The following MYL6B variants were observed in gnomAD, a reference collection of about 807,000 sequenced individuals.
The protein encoded by MYL6B is myosin light chain 6B.
A neutral mutation model predicts 24.5 loss-of-function variants in MYL6B; 19 were observed. That is an observed-to-expected ratio of 0.78 (90% CI 0.54 to 1.14). The LOEUF is 1.14. Ranked by LOEUF, MYL6B falls within the 50% of genes most tolerant of loss-of-function variation. The pLI is 0.00. For missense variants in MYL6B, 230 were observed against 263.8 expected (o/e 0.87, Z 0.89); for synonymous variants, 90 against 100.7 (o/e 0.89, Z 0.64).
chr12:56,157,423 T>TGAAGGAGGG, intron 5 of MYL6B, 45 bp from the exon 6 acceptor site: 1 of 1,543,822 alleles, frequency 6.5e-7, no homozygotes, highest in Non-Finnish European at 8.9e-7. Flanking sequence ...CCTGGGTGAG[T>TGAAGGAGGG]GAAGGAGGGA....
exon 6 of MYL6B, chr12:56,157,532 C>T: frequency 3.1e-6 from 5 of 1,611,838 alleles, no homozygotes; most frequent in Non-Finnish European, 3.4e-6. Context: ...GCAACGGCTG[C>T]ATCAACTACG....
chr12:56,157,401 G>C (rs575079172), intron 5 of MYL6B, 67 bp from the exon 6 acceptor site: 1 of 1,437,828 alleles, frequency 7.0e-7, no homozygotes, highest in Admixed American at 2.1e-5. Flanking sequence ...AAAAAAAAAA[G>C]GAAAAGCGTG....
At chr12:56,154,135 T>G (rs1871218517) in intron 2 of MYL6B, 43 bp downstream of exon 2, 1 of 1,583,830 alleles carries the variant, frequency 6.3e-7, no homozygotes, top group Non-Finnish European at 8.6e-7. Flanking sequence ...GGGGGTGGTT[T>G]GAGGGTGGGA....
intron 5 of MYL6B, chr12:56,156,140 T>G: frequency 8.9e-6 from 4 of 447,100 alleles, no homozygotes; most frequent in Non-Finnish European, 1.2e-5. Context: ...ACCCCATCTC[T>G]ATTAGTAATA....
exon 5 of MYL6B, chr12:56,155,460 A>G (rs529967791): frequency 6.2e-7 from 1 of 1,614,160 alleles, no homozygotes; most frequent in Non-Finnish European, 8.5e-7. Flanking sequence ...TTTCCTGCCC[A>G]TGCTCCAGGC....
intron 2 of MYL6B, 125 bp from the exon 3 acceptor site, chr12:56,154,667 AGCTGGGAATGGGACTGAGGTG>A (rs1304691692): frequency 6.6e-5 from 56 of 847,382 alleles, no homozygotes; most frequent in Admixed American, 2.2e-4. Flanking sequence ...CAAGGCCCAG[AGCTGGGAATGGGACTGAGGTG>A]GCTGGGCTTC....
At chr12:56,157,376 C>A (rs1182960533) in intron 5 of MYL6B, 92 bp from the exon 6 acceptor site, 3 of 1,248,902 alleles carry the variant, frequency 2.4e-6, no homozygotes, top group African/African-American at 1.5e-5. Flanking sequence ...GCGACAGGAG[C>A]GAAACTCCGT....
exon 7 of MYL6B, chr12:56,157,977 T>G: frequency 1.7e-6 from 1 of 586,892 alleles, no homozygotes; most frequent in Non-Finnish European, 3.0e-6. Context: ...TGGGTTCCTC[T>G]CTTGGTTTCA....
At position 56,157,314 on chromosome 12, in the gene MYL6B, G is replaced by A. The variant is rs1182879500; in HGVS notation, c.521-154G>A. The A allele has an allele frequency of 2.8e-5, 18 of 651,348 alleles. No homozygotes were observed. The Admixed American group carries it at 4.9e-4, about 18-fold the overall frequency. 40.3% of individuals were successfully genotyped at this position (651,348 alleles called of 1,614,324 possible). ...CAGGAGAATCGCGTGAACACGGGAGGCGGAGGTTGCAGTGAGCCGAGATCG... is the reference window on the plus strand; with the variant it reads ...CAGGAGAATCGCGTGAACACGGGAGACGGAGGTTGCAGTGAGCCGAGATCG... On this transcript the variant is annotated intron_variant, in intron 5 of 6. Coordinates refer to ENST00000553066, the Ensembl canonical transcript of MYL6B.
chr12:56,157,374 A>C, intron 5 of MYL6B, 94 bp from the exon 6 acceptor site: 4 of 1,216,338 alleles, frequency 3.3e-6, no homozygotes, highest in Non-Finnish European at 4.7e-6. Context: ...GAGCGACAGG[A>C]GCGAAACTCC....
intron 5 of MYL6B, chr12:56,155,955 CA>C (rs1871289102): frequency 1.7e-6 from 2 of 1,189,280 alleles, no homozygotes; most frequent in Non-Finnish European, 2.1e-6. Context: ...CATCCATGAC[CA>C]GGGGAGGATT....
In MYL6B at chr12:56,157,344, G is replaced by A. The variant is rs576142336; in HGVS notation, c.521-124G>A. 1,431 of 856,734 alleles carry A rather than the reference G, an allele frequency of 1.7e-3. 6 individuals are homozygous for A. Among genetic ancestry groups the A allele is most frequent in the Middle Eastern group, 0.012 (36 of 2,996 alleles). 53.1% of individuals were successfully genotyped at this position (856,734 alleles called of 1,614,324 possible). On this transcript the variant is annotated intron_variant, in intron 5 of 6. Transcript: ENST00000553066. ...GGTTGCAGTGAGCCGAGATCGCTCC[G>A]CTCCACTGCACTCCAGCCTGAGCGA...
chr12:56,152,702 G>GTGTC (rs1196535077), intron 1 of MYL6B, 71 bp downstream of exon 1: 1 of 151,762 alleles, frequency 6.6e-6, no homozygotes, highest in African/African-American at 2.4e-5. Context: ...GTGTGTGTGT[G>GTGTC]TGTGTGTGTC....
intron 5 of MYL6B, among the ~76,000 whole-genome samples, chr12:56,156,464 G>A (rs1203845369): frequency 6.6e-6 from 1 of 151,618 alleles, no homozygotes; most frequent in Non-Finnish European, 1.5e-5. Context: ...AATTAGCCAG[G>A]CATGATGGCG....
At chr12:56,155,883 G>A in intron 5 of MYL6B, 1 of 1,290,870 alleles carries the variant, frequency 7.7e-7, no homozygotes, top group Non-Finnish European at 9.9e-7. Context: ...GTAACCTCCT[G>A]GGATTGTTTC....
At chr12:56,153,288 T>C in intron 1 of MYL6B, 2 of 310,928 alleles carry the variant, frequency 6.4e-6, no homozygotes, top group Middle Eastern at 1.7e-3. Context: ...TTTATGACTA[T>C]TCTTCCTTTA....
rs768070191 is a variant in MYL6B at position 56,155,199 on chromosome 12, G to T, written c.346+1G>T. ...GTCCTGGGGAACCCCAAGAGTGATG[G>T]TGAGGGGACCCTTGGGAACAATTTG... On this transcript the variant is annotated splice_donor_variant, in intron 4 of 6. Coordinates refer to ENST00000553066, the Ensembl canonical transcript of MYL6B. LOFTEE classifies it high-confidence loss of function. 4.4e-6 allele frequency: 7 copies of T among 1,594,074 alleles called. No homozygotes were observed. In the East Asian group the frequency reaches 1.6e-4, roughly 36 times the overall value.
chr12:56,157,696 A>C lies in MYL6B; in HGVS notation c.599-2A>C. 4 of 1,612,984 alleles carry C rather than the reference A, an allele frequency of 2.5e-6. No homozygotes were observed. Among genetic ancestry groups the C allele is most frequent in the Non-Finnish European group, 3.4e-6 (4 of 1,180,020 alleles). On this transcript the variant is annotated splice_acceptor_variant, in intron 6 of 6. Coordinates refer to ENST00000553066, the Ensembl canonical transcript of MYL6B. LOFTEE classifies it high-confidence loss of function. ...AGCCCCTCTTGCCTCCTCTCTCTGC[A>C]GCCTTCTTGAAACACATCCTAAGCG...
In MYL6B at chr12:56,156,553, C is replaced by T. The variant is rs1256597013; in HGVS notation, c.521-915C>T. ...CCGGGAGGTGGAGGTTGCGGTGAGCCGAGACCGTGCCACTGTACTCCAGCC... is the reference window on the plus strand; with the variant it reads ...CCGGGAGGTGGAGGTTGCGGTGAGCTGAGACCGTGCCACTGTACTCCAGCC... On this transcript the variant is annotated intron_variant, in intron 5 of 6. Transcript: ENST00000553066. 3.4e-5 allele frequency among the ~76,000 whole-genome samples: 5 copies of T among 147,158 alleles called. No homozygotes were observed. The East Asian group carries it at 8.1e-4, about 24-fold the overall frequency.
Sources: gnomAD v4.1 joint callset for allele counts (sites outside exome capture counted in the v4.1 genomes callset) on GRCh38, gnomAD v4.1.1 for gene constraint, MANE v1.5 for transcripts, NCBI Gene and HGNC (gene_info 2026-07-23, HGNC 2026-07-21) for gene names.